Variants in INPP4B observed in about 807,000 individuals in gnomAD.
The protein encoded by INPP4B is inositol polyphosphate 4-phosphatase type II.
In INPP4B, 55 loss-of-function variants were observed where a neutral mutation model predicts 122.5. The observed-to-expected ratio is 0.45, with a 90% CI of 0.36 to 0.56. The LOEUF is 0.56. Ranked by LOEUF, INPP4B falls within the 20% of genes least tolerant of loss-of-function variation. The probability of loss-of-function intolerance (pLI) is 0.00; values close to 1 mark genes in which losing one functional copy is unlikely to be tolerated. For missense variants in INPP4B, 1,000 were observed against 1,097.7 expected (o/e 0.91, Z 1.26); for synonymous variants, 403 against 388.7 (o/e 1.04, Z -0.43).
At chr4:142,338,534 C>T (rs1385202205) in intron 7 of INPP4B, among the ~76,000 whole-genome samples, 3 of 152,188 alleles carry the variant, frequency 2.0e-5, no homozygotes, top group African/African-American at 7.2e-5. Flanking sequence ...CACCAGGCAA[C>T]TTTTAAAAAC....
At chr4:142,184,138 C>T (rs1036536602) in intron 15 of INPP4B, among the ~76,000 whole-genome samples, 3 of 152,260 alleles carry the variant, frequency 2.0e-5, no homozygotes, top group Admixed American at 2.0e-4. Flanking sequence ...AACTGTCACA[C>T]TATATATAGT....
intron 23 of INPP4B, among the ~76,000 whole-genome samples, chr4:142,092,581 G>A (rs1021866021): frequency 1.3e-5 from 2 of 152,246 alleles, no homozygotes; most frequent in Admixed American, 1.3e-4. Context: ...ATGAGCCACC[G>A]TGCCCATCCT....
At chr4:142,741,479 A>G (rs975115035) in intron 1 of INPP4B, among the ~76,000 whole-genome samples, 5 of 151,974 alleles carry the variant, frequency 3.3e-5, no homozygotes, top group Non-Finnish European at 7.4e-5. Context: ...CATCTCCAAT[A>G]CTGGGGATTA....
chr4:142,380,550 G>A (rs2148845116), intron 7 of INPP4B, among the ~76,000 whole-genome samples: 1 of 152,230 alleles, frequency 6.6e-6, no homozygotes, highest in South Asian at 2.1e-4. Context: ...TGTATTTTGT[G>A]TAGAAGTAAT....
intron 11 of INPP4B, among the ~76,000 whole-genome samples, chr4:142,241,974 A>G (rs1395023470): frequency 6.6e-6 from 1 of 152,190 alleles, no homozygotes; most frequent in Non-Finnish European, 1.5e-5. Flanking sequence ...CAGGCAGTAC[A>G]TTCATTATTT....
At chr4:142,042,520 A>ATGTGTGTG (rs1191824136) in intron 25 of INPP4B, among the ~76,000 whole-genome samples, 34 of 37,528 alleles carry the variant, frequency 9.1e-4, no homozygotes, top group African/African-American at 1.7e-3. Context: ...GTGTGTGTGT[A>ATGTGTGTG]TGTATGTATG....
intron 18 of INPP4B, among the ~76,000 whole-genome samples, chr4:142,133,044 C>G (rs1211530248): frequency 1.3e-5 from 2 of 152,150 alleles, no homozygotes; most frequent in South Asian, 4.1e-4. Flanking sequence ...TATTTTCTAA[C>G]CCCGGCTTTC....
chr4:142,048,072 T>C (rs146135290), intron 25 of INPP4B, among the ~76,000 whole-genome samples: 1 of 152,258 alleles, frequency 6.6e-6, no homozygotes, highest in East Asian at 1.9e-4. Flanking sequence ...CCTTTAGCTT[T>C]CATACCACTC....
At chr4:142,110,677 CT>C (rs1283361502) in intron 22 of INPP4B, among the ~76,000 whole-genome samples, 4 of 152,070 alleles carry the variant, frequency 2.6e-5, no homozygotes, top group African/African-American at 9.7e-5. Flanking sequence ...CATTTTGCTC[CT>C]TTTCCAGTCT....
chr4:142,488,591 A>T (rs1821471613), intron 2 of INPP4B, among the ~76,000 whole-genome samples: 1 of 151,904 alleles, frequency 6.6e-6, no homozygotes, highest in South Asian at 2.1e-4. Flanking sequence ...TTTGTTTTTT[A>T]CTTATGTCAA....
chr4:142,670,797 A>T (rs1007544790), intron 2 of INPP4B, among the ~76,000 whole-genome samples: 4 of 152,120 alleles, frequency 2.6e-5, no homozygotes, highest in Non-Finnish European at 4.4e-5. Context: ...AGTAGATGTA[A>T]ACTGTTCTCA....
Position 142,517,651 on chromosome 4 carries a change from G to A in INPP4B, c.-190-54925C>T, listed in dbSNP as rs192801342. ...GACCTTAACATCTCCTCTTCAAAAC[G>A]TCTTAAGTTGCTCTTGCCATTTACT... On this transcript the variant is annotated intron_variant, in intron 2 of 25. Coordinates refer to ENST00000262992, the MANE Select transcript of INPP4B (RefSeq NM_001101669.3). 1.2e-3 allele frequency among the ~76,000 whole-genome samples: 186 copies of A among 152,152 alleles called. 2 individuals carry two copies. The highest frequency in any genetic ancestry group is 3.4e-3 in the Middle Eastern group (1 of 294).
At chr4:142,423,238 A>G (rs544565277) in intron 5 of INPP4B, among the ~76,000 whole-genome samples, 3 of 152,224 alleles carry the variant, frequency 2.0e-5, no homozygotes, top group East Asian at 3.9e-4. Flanking sequence ...TGCCTGATTT[A>G]TAGCAATTCA....
intron 16 of INPP4B, 100 bp from the exon 17 acceptor site, chr4:142,160,661 G>A: frequency 1.3e-6 from 1 of 775,940 alleles, no homozygotes; most frequent in South Asian, 2.4e-5. Flanking sequence ...TAAGTGGTGT[G>A]TATGGTGGAA....
At chr4:142,821,966 G>T (rs1780846908) in intron 1 of INPP4B, among the ~76,000 whole-genome samples, 1 of 152,136 alleles carries the variant, frequency 6.6e-6, no homozygotes, top group Non-Finnish European at 1.5e-5. Context: ...TGTCCCTAAA[G>T]GCCAGGGTGA....
chr4:142,679,202 C>G (rs961818331), intron 2 of INPP4B, among the ~76,000 whole-genome samples: 2 of 151,828 alleles, frequency 1.3e-5, no homozygotes, highest in Non-Finnish European at 2.9e-5. Flanking sequence ...ATATTATACA[C>G]CTGCATGTGA....
At chr4:142,525,119 G>A (rs1826710337) in intron 2 of INPP4B, among the ~76,000 whole-genome samples, 1 of 150,204 alleles carries the variant, frequency 6.7e-6, no homozygotes, top group Non-Finnish European at 1.5e-5. Flanking sequence ...GCCAAATCAT[G>A]AGTGAACTCC....
chr4:142,300,793 TTA>T (rs996867810), intron 9 of INPP4B, among the ~76,000 whole-genome samples: 9 of 152,176 alleles, frequency 5.9e-5, no homozygotes, highest in Non-Finnish European at 1.2e-4. Context: ...CATCAGTGTT[TTA>T]TGTTATTTGT....
chr4:142,776,994 T>G (rs12500163), intron 1 of INPP4B, among the ~76,000 whole-genome samples: 1 of 152,028 alleles, frequency 6.6e-6, no homozygotes, highest in Non-Finnish European at 1.5e-5. Context: ...TGCAAAAATT[T>G]TACATGATAG....
Sources: allele counts gnomAD v4.1 joint callset (sites outside exome capture counted in the v4.1 genomes callset), GRCh38; gene constraint gnomAD v4.1.1; transcripts MANE v1.5; gene names NCBI Gene and HGNC (gene_info 2026-07-23, HGNC 2026-07-21).